The following NFIB variants were observed in gnomAD, a reference collection of about 807,000 sequenced individuals.
NFIB encodes the protein nuclear factor 1 B-type.
NFIB carries 11 observed loss-of-function variants against 61.5 expected under a neutral mutation model. That is an observed-to-expected ratio of 0.18 (90% CI 0.11 to 0.30). The LOEUF (loss-of-function observed/expected upper bound fraction) is 0.30. Among genes scored for constraint, NFIB ranks in the 10% least tolerant of loss-of-function variants. The pLI, the probability that NFIB is intolerant of heterozygous loss-of-function variation, is 1.00. For missense variants in NFIB, 471 were observed against 608.9 expected (o/e 0.77, Z 2.38); for synonymous variants, 260 against 216.5 (o/e 1.20, Z -1.76).
chr9:14,202,017 G>A (rs777262910), intron 2 of NFIB, among the ~76,000 whole-genome samples: 2 of 152,004 alleles, frequency 1.3e-5, no homozygotes, highest in African/African-American at 2.4e-5. Context: ...GGTTTCATTT[G>A]CACAATGTTG....
the NFIB span, among the ~76,000 whole-genome samples, chr9:14,527,295 A>G: frequency 6.6e-6 from 1 of 152,168 alleles, no homozygotes; most frequent in Non-Finnish European, 1.5e-5. Context: ...AGATATCATC[A>G]TCGTTGTTGT....
chr9:14,460,230 A>T, the NFIB span, among the ~76,000 whole-genome samples: 1 of 152,188 alleles, frequency 6.6e-6, no homozygotes, highest in Non-Finnish European at 1.5e-5. Flanking sequence ...GACATGGATG[A>T]AGCTGGAAAC....
the NFIB span, among the ~76,000 whole-genome samples, chr9:14,463,990 G>A: frequency 6.6e-6 from 1 of 152,174 alleles, no homozygotes; most frequent in Non-Finnish European, 1.5e-5. Context: ...CACAATCTAC[G>A]ATGGGGTCTG....
At chr9:14,088,376 C>A in intron 10 of NFIB, 50 bp from the exon 11 acceptor site, 1 of 1,464,044 alleles carries the variant, frequency 6.8e-7, no homozygotes. Context: ...GAAAAAAATA[C>A]AATGTTAAAA....
At chr9:14,218,447 G>A (rs906201214) in intron 2 of NFIB, among the ~76,000 whole-genome samples, 1 of 152,020 alleles carries the variant, frequency 6.6e-6, no homozygotes, top group Admixed American at 6.6e-5. Context: ...CTTTTATCAG[G>A]TGCTTGAAAA....
At chr9:14,489,892 T>C in the NFIB span, among the ~76,000 whole-genome samples, 3 of 152,156 alleles carry the variant, frequency 2.0e-5, no homozygotes, top group African/African-American at 7.2e-5. Flanking sequence ...CTCCATAATA[T>C]GTACCACAGT....
chr9:14,340,976 G>A (rs1018798623), intron 1 of NFIB, among the ~76,000 whole-genome samples: 6 of 152,222 alleles, frequency 3.9e-5, no homozygotes, highest in East Asian at 1.9e-4. Context: ...GTTAATACTC[G>A]TTGTACCCAT....
upstream of NFIB, among the ~76,000 whole-genome samples, chr9:14,318,450 T>C (rs2060589231): frequency 6.6e-6 from 1 of 151,404 alleles, no homozygotes; most frequent in Admixed American, 6.6e-5. Flanking sequence ...CTGGGCAGTT[T>C]CATGAAAGAT....
intron 2 of NFIB, among the ~76,000 whole-genome samples, chr9:14,285,566 G>T (rs1015866670): frequency 6.6e-6 from 1 of 152,128 alleles, no homozygotes; most frequent in Non-Finnish European, 1.5e-5. Flanking sequence ...TTACAGTTAA[G>T]AAAGAAGTCC....
intron 1 of NFIB, among the ~76,000 whole-genome samples, chr9:14,363,780 CA>C (rs113318544): frequency 6.6e-6 from 1 of 151,884 alleles, no homozygotes; most frequent in African/African-American, 2.4e-5. Context: ...ACTTATTTTA[CA>C]AAAAAATGGG....
chr9:14,288,146 T>C (rs1188297064), intron 2 of NFIB, among the ~76,000 whole-genome samples: 1 of 152,096 alleles, frequency 6.6e-6, no homozygotes, highest in Non-Finnish European at 1.5e-5. Flanking sequence ...AAACAAATTA[T>C]TGACACATGA....
intron 1 of NFIB, among the ~76,000 whole-genome samples, chr9:14,351,104 T>TA (rs2061105498): frequency 6.6e-6 from 1 of 152,112 alleles, no homozygotes; most frequent in Admixed American, 6.5e-5. Context: ...TTGGAGTGCA[T>TA]AAAAAATAGG....
In NFIB at chr9:14,359,825, A is replaced by C. The variant is rs1236787029; in HGVS notation, c.108+38699T>G. On this transcript the variant is annotated intron_variant, in intron 1 of 8. Coordinates refer to the NFIB transcript ENST00000380934. ...TACCTATGAATGAAAGCAGCGCAGAAAGTAGTAAAGTTAGATTTAAAGAAA... is the reference window on the plus strand; with the variant it reads ...TACCTATGAATGAAAGCAGCGCAGACAGTAGTAAAGTTAGATTTAAAGAAA... Among the ~76,000 whole-genome samples, 4 of 152,164 alleles carry C rather than the reference A, an allele frequency of 2.6e-5. 1 individual carries two copies. Among genetic ancestry groups the C allele is most frequent in the Non-Finnish European group, 5.9e-5 (4 of 68,020 alleles).
At chr9:14,464,686 C>T in the NFIB span, among the ~76,000 whole-genome samples, 4 of 151,966 alleles carry the variant, frequency 2.6e-5, no homozygotes, top group African/African-American at 7.3e-5. Context: ...TGGCCGAGAC[C>T]CCCCAGGGCC....
the NFIB span, among the ~76,000 whole-genome samples, chr9:14,447,979 T>C: frequency 6.6e-6 from 1 of 152,214 alleles, no homozygotes; most frequent in Non-Finnish European, 1.5e-5. Flanking sequence ...AAGTCCTCTA[T>C]TGATACTTTA....
chr9:14,280,006 T>TTG (rs1195220257), intron 2 of NFIB, among the ~76,000 whole-genome samples: 1 of 152,180 alleles, frequency 6.6e-6, no homozygotes, highest in East Asian at 1.9e-4. Context: ...TCGTATTAAC[T>TTG]TGATCCAAGA....
intron 2 of NFIB, among the ~76,000 whole-genome samples, chr9:14,236,137 T>A (rs776139211): frequency 6.6e-6 from 1 of 152,218 alleles, no homozygotes; most frequent in African/African-American, 2.4e-5. Context: ...CAAAGACATG[T>A]GTACGCATTA....
chr9:14,522,088 C>T, the NFIB span, among the ~76,000 whole-genome samples: 2 of 152,160 alleles, frequency 1.3e-5, no homozygotes, highest in Non-Finnish European at 2.9e-5. Context: ...GCTGGCCTGC[C>T]TGGTCTAAGC....
At chr9:14,509,010 GA>G in the NFIB span, among the ~76,000 whole-genome samples, 4 of 152,284 alleles carry the variant, frequency 2.6e-5, no homozygotes, top group East Asian at 7.7e-4. Flanking sequence ...TAGACGTACT[GA>G]CCCCAGGAAA....
Sources: gnomAD v4.1 joint callset for allele counts (sites outside exome capture counted in the v4.1 genomes callset) on GRCh38, gnomAD v4.1.1 for gene constraint, MANE v1.5 for transcripts, NCBI Gene and HGNC (gene_info 2026-07-23, HGNC 2026-07-21) for gene names.